The following PCDHA3 variants were observed in gnomAD, a reference collection of about 807,000 sequenced individuals.
The protein encoded by PCDHA3 is protocadherin alpha-3.
Under a neutral mutation model 62.2 loss-of-function variants are expected in PCDHA3, and 41 were observed. The observed-to-expected ratio is 0.66, with a 90% CI of 0.51 to 0.86. The LOEUF (loss-of-function observed/expected upper bound fraction) is 0.86. Among genes scored for constraint, PCDHA3 ranks in the 40% least tolerant of loss-of-function variants. PCDHA3 has a pLI of 0.00. For missense variants in PCDHA3, 1,304 were observed against 1,241.2 expected, an observed-to-expected ratio of 1.05 and a Z score of -0.76; for synonymous variants, 640 against 555.4, an observed-to-expected ratio of 1.15 and a Z score of -2.14.
chr5:140,943,505 T>C (rs938907371), intron 1 of PCDHA3, among the ~76,000 whole-genome samples: 13 of 152,106 alleles, frequency 8.5e-5, no homozygotes, highest in Non-Finnish European at 1.8e-4. Flanking sequence ...TCAAGGTTCA[T>C]GGAAATGTTG....
At chr5:140,886,852 G>T (rs1554182787) in intron 1 of PCDHA3, among the ~76,000 whole-genome samples, 1 of 146,470 alleles carries the variant, frequency 6.8e-6, no homozygotes, top group Non-Finnish European at 1.5e-5. Flanking sequence ...AAAAAAGAAA[G>T]GTCTTCCCAA....
At chr5:140,885,291 G>A (rs1554182107) in intron 1 of PCDHA3, among the ~76,000 whole-genome samples, 6 of 152,132 alleles carry the variant, frequency 3.9e-5, no homozygotes, top group Non-Finnish European at 8.8e-5. Context: ...TATATAGAGA[G>A]AGACCTGGTA....
chr5:140,881,282 G>A, intron 1 of PCDHA3: 1 of 795,028 alleles, frequency 1.3e-6, no homozygotes, highest in Non-Finnish European at 1.5e-6. Context: ...GTAAGATGGA[G>A]AGAGAAAATG....
chr5:140,803,503 T>A lies in PCDHA3; in HGVS notation c.2306T>A (p.Leu769His). 1 of 1,614,242 alleles carries A rather than the reference T, an allele frequency of 6.2e-7. No homozygotes were observed. ...GGAGAGGGGTTGCCCAAGACCGACC[T>A]CATGGCTTTTAGCCCTAGCCTTCCT... is the stretch of plus-strand genomic sequence containing the variant. ...CSGEGLPKTDLMAFSPSLPPC... is the reference protein window; with the variant it reads ...CSGEGLPKTDHMAFSPSLPPC... Residue 769 changes from leucine to histidine, a missense_variant, in exon 1 of 4, where the codon CTC (leucine) becomes CAC (histidine). Physicochemically the swap from Leu to His is moderately conservative, Grantham distance 99. Transcript: ENST00000522353.
rs1769607526 is a variant in PCDHA3 at position 140,828,202 on chromosome 5, G to T, written c.2394+24611G>T. On this transcript the variant is annotated intron_variant, in intron 1 of 3. Transcript: ENST00000522353. ...GCCAGCTCCACTACTCCGTACCCGA[G>T]GAGGCCAAACACGGCACCTTCGTGG... is the stretch of plus-strand genomic sequence containing the variant. The T allele has an allele frequency of 2.5e-6, 4 of 1,614,084 alleles. No homozygotes were observed. In the African/African-American group the frequency reaches 4.0e-5, roughly 16 times the overall value.
At chr5:140,887,982 A>T (rs1372528675) in intron 1 of PCDHA3, among the ~76,000 whole-genome samples, 1 of 152,180 alleles carries the variant, frequency 6.6e-6, no homozygotes, top group African/African-American at 2.4e-5. Flanking sequence ...AATTTATTTT[A>T]CATGTCTCCA....
intron 1 of PCDHA3, chr5:140,805,244 A>C: frequency 7.6e-7 from 1 of 1,320,150 alleles, no homozygotes; most frequent in Non-Finnish European, 9.6e-7. Flanking sequence ...CCCCATCTGT[A>C]CATTAAAATA....
At chr5:140,816,463 T>G (rs1765911201) in intron 1 of PCDHA3, 1 of 152,278 alleles carries the variant, frequency 6.6e-6, no homozygotes, top group Middle Eastern at 3.4e-3. Flanking sequence ...TGTCAAGTAA[T>G]TCACATAGCT....
intron 1 of PCDHA3, among the ~76,000 whole-genome samples, chr5:140,922,302 A>G (rs2080767601): frequency 6.6e-6 from 1 of 152,222 alleles, no homozygotes; most frequent in African/African-American, 2.4e-5. Flanking sequence ...AGGAGAGGAT[A>G]CCTTTCACTG....
intron 1 of PCDHA3, among the ~76,000 whole-genome samples, chr5:140,820,411 T>C (rs2150106825): frequency 0.077 from 11,651 of 152,094 alleles, 630 homozygotes; most frequent in Non-Finnish European, 0.11. Flanking sequence ...ATTTTAAATG[T>C]AAAAGTATCC....
intron 3 of PCDHA3, among the ~76,000 whole-genome samples, chr5:141,001,177 T>G (rs2097996689): frequency 6.6e-6 from 1 of 152,154 alleles, no homozygotes; most frequent in Non-Finnish European, 1.5e-5. Context: ...TAACGAGTTT[T>G]TACTTTGCAC....
chr5:140,927,904 C>T, intron 1 of PCDHA3: 5 of 1,614,202 alleles, frequency 3.1e-6, no homozygotes, highest in Non-Finnish European at 4.2e-6. Flanking sequence ...CGATCATGCC[C>T]CCGAACTGGA....
chr5:140,912,122 C>A (rs1008861945), intron 1 of PCDHA3, among the ~76,000 whole-genome samples: 1 of 152,194 alleles, frequency 6.6e-6, no homozygotes, highest in Admixed American at 6.5e-5. Context: ...GAGGCTAAGT[C>A]AGTCTAATCT....
intron 1 of PCDHA3, among the ~76,000 whole-genome samples, chr5:140,892,286 C>A (rs2063458721): frequency 1.3e-5 from 2 of 152,136 alleles, no homozygotes; most frequent in South Asian, 4.1e-4. Flanking sequence ...TTAAACACTT[C>A]TTCCTGGAAA....
At chr5:140,975,120 C>CT (rs140169299) in intron 1 of PCDHA3, among the ~76,000 whole-genome samples, 5 of 152,258 alleles carry the variant, frequency 3.3e-5, no homozygotes, top group African/African-American at 1.2e-4. Flanking sequence ...TGTTTTCCTA[C>CT]TTACTATTGG....
chr5:140,842,035 T>C (rs2150327747), intron 1 of PCDHA3: 3 of 1,613,864 alleles, frequency 1.9e-6, no homozygotes, highest in South Asian at 1.1e-5. Context: ...TGAATGATAA[T>C]GCTCCCACTT....
chr5:140,820,061 G>T (rs1163910320), intron 1 of PCDHA3, among the ~76,000 whole-genome samples: 1 of 151,854 alleles, frequency 6.6e-6, no homozygotes, highest in Non-Finnish European at 1.5e-5. Context: ...ATAGAAAGTG[G>T]CTAACATCAG....
chr5:140,870,130 A>T (rs781855370), intron 1 of PCDHA3: 2 of 1,613,866 alleles, frequency 1.2e-6, no homozygotes, highest in East Asian at 4.5e-5. Context: ...CTTGGACACC[A>T]ACGATAACTC....
intron 1 of PCDHA3, among the ~76,000 whole-genome samples, chr5:140,932,798 T>C (rs2153613163): frequency 6.6e-6 from 1 of 151,958 alleles, no homozygotes; most frequent in Middle Eastern, 3.4e-3. Flanking sequence ...AGAAAAGCAA[T>C]ACCTTGGAAA....
Sources: gnomAD v4.1 joint callset for allele counts (sites outside exome capture counted in the v4.1 genomes callset) on GRCh38, gnomAD v4.1.1 for gene constraint, MANE v1.5 for transcripts, NCBI Gene and HGNC (gene_info 2026-07-23, HGNC 2026-07-21) for gene names.